The following COLEC10 variants were observed in gnomAD, a reference collection of about 807,000 sequenced individuals.
COLEC10 encodes collectin subfamily member 10.
Under a neutral mutation model 28.4 loss-of-function variants are expected in COLEC10, and 22 were observed. That is an observed-to-expected ratio of 0.78 (90% CI 0.55 to 1.11). The LOEUF is 1.11. Ranked by LOEUF, COLEC10 falls within the 50% of genes least tolerant of loss-of-function variation. The pLI is 0.00. For missense variants in COLEC10, 361 were observed against 344.1 expected (o/e 1.05, Z -0.39); for synonymous variants, 125 against 116.1 (o/e 1.08, Z -0.49).
At chr8:119,104,181 G>A (rs867343057) in intron 5 of COLEC10, among the ~76,000 whole-genome samples, 3 of 151,998 alleles carry the variant, frequency 2.0e-5, no homozygotes, top group Non-Finnish European at 4.4e-5. Context: ...TATGCTGTAA[G>A]AATAAAAAGA....
upstream of COLEC10, chr8:119,067,115 A>G: frequency 1.6e-6 from 1 of 611,180 alleles, no homozygotes; most frequent in Non-Finnish European, 2.8e-6. Flanking sequence ...CATTTGGAGC[A>G]CTGAGAAAAT....
intron 1 of COLEC10, chr8:119,068,130 G>A (rs746963898): frequency 6.6e-6 from 1 of 152,128 alleles, no homozygotes; most frequent in East Asian, 1.9e-4. Context: ...TTCTGAAAGT[G>A]GTCACTGCAC....
chr8:119,025,463 C>T (rs1464975961), intron 2 of COLEC10, among the ~76,000 whole-genome samples: 2 of 152,178 alleles, frequency 1.3e-5, no homozygotes, highest in Non-Finnish European at 2.9e-5. Context: ...GGGCCACCCA[C>T]CCCTGTGGCC....
At chr8:119,076,992 C>G (rs1268814836) in intron 1 of COLEC10, among the ~76,000 whole-genome samples, 1 of 152,172 alleles carries the variant, frequency 6.6e-6, no homozygotes, top group Non-Finnish European at 1.5e-5. Flanking sequence ...GTCTCTGGAA[C>G]CAATTTATCA....
At chr8:119,083,141 G>A (rs747554815) in intron 1 of COLEC10, among the ~76,000 whole-genome samples, 1 of 152,202 alleles carries the variant, frequency 6.6e-6, no homozygotes, top group Non-Finnish European at 1.5e-5. Flanking sequence ...ATAGACCCAT[G>A]TAACAGGAAG....
Position 119,072,261 on chromosome 8 carries a change from TAGCACACATTGAGTAGCTG to T in COLEC10, c.148+4860_148+4878del, listed in dbSNP as rs377334608. 5.4e-3 allele frequency among the ~76,000 whole-genome samples: 825 copies of T among 152,232 alleles called. 6 individuals carry two copies. The highest frequency in any genetic ancestry group is 0.018 in the African/African-American group (734 of 41,498). On this transcript the variant is annotated intron_variant, in intron 1 of 5. Transcript: ENST00000332843. ...AATGGGGTGACAGGAGCAAGATTGC[TAGCACACATTGAGTAGCTG>T]AGCACACATTGAGTAGCTGAGCACA...
At chr8:119,047,924 C>T (rs1247659129) in intron 2 of COLEC10, among the ~76,000 whole-genome samples, 1 of 152,090 alleles carries the variant, frequency 6.6e-6, no homozygotes, top group Non-Finnish European at 1.5e-5. Flanking sequence ...CTTGGGTACT[C>T]AATCATCAAA....
intron 1 of COLEC10, among the ~76,000 whole-genome samples, chr8:119,000,018 A>C (rs1174737733): frequency 6.6e-6 from 1 of 152,202 alleles, no homozygotes; most frequent in Non-Finnish European, 1.5e-5. Flanking sequence ...AAATGATCTC[A>C]TAGAGAGGAA....
chr8:119,061,028 T>C (rs536480723), intron 2 of COLEC10, among the ~76,000 whole-genome samples: 2 of 151,994 alleles, frequency 1.3e-5, no homozygotes, highest in African/African-American at 4.8e-5. Flanking sequence ...AGACAAAAGC[T>C]ATAAAGGAAG....
At chr8:119,075,902 T>C (rs1815219897) in intron 1 of COLEC10, among the ~76,000 whole-genome samples, 1 of 88,078 alleles carries the variant, frequency 1.1e-5, no homozygotes, top group South Asian at 4.4e-4. Flanking sequence ...CTTTTTTTTT[T>C]TTTTTTTTTT....
intron 1 of COLEC10, among the ~76,000 whole-genome samples, chr8:119,004,147 AT>A (rs1813746720): frequency 1.3e-5 from 2 of 152,160 alleles, no homozygotes; most frequent in South Asian, 4.1e-4. Flanking sequence ...AGCTATTATT[AT>A]TTACAGAAAA....
At chr8:119,004,648 A>G (rs1294206249) in intron 1 of COLEC10, among the ~76,000 whole-genome samples, 1 of 151,418 alleles carries the variant, frequency 6.6e-6, no homozygotes, top group Non-Finnish European at 1.5e-5. Flanking sequence ...TATCCAACCC[A>G]TCTTCAAACT....
In COLEC10 at chr8:119,107,492, T is replaced by C. The variant is rs1004257382; in HGVS notation, c.*1301T>C. Among the ~76,000 whole-genome samples the C allele has an allele frequency of 6.6e-6, 1 of 152,206 alleles. No individual in the cohort carries two copies. The highest frequency in any genetic ancestry group is 1.5e-5 in the Non-Finnish European group (1 of 68,026). The stretch of plus-strand genomic sequence containing the variant: ...GTTTCTGACATATGATTAGACTGTT[T>C]CAAATGCTGGCAAAATGGTTAATGA... On this transcript the variant is annotated 3_prime_UTR_variant, in exon 6 of 6. Transcript: ENST00000332843.
At chr8:119,072,169 T>C (rs2450081) in intron 1 of COLEC10, among the ~76,000 whole-genome samples, 109,272 of 152,100 alleles carry the variant, frequency 0.72, 40,452 homozygotes, top group African/African-American at 0.9. Flanking sequence ...ACACATGTGG[T>C]CTGTGATCAA....
chr8:119,035,630 T>A (rs74582064), intron 2 of COLEC10, among the ~76,000 whole-genome samples: 3,391 of 152,322 alleles, frequency 0.022, 66 homozygotes, highest in Non-Finnish European at 0.031. Context: ...TCATTTTGCA[T>A]CCAAAGACCA....
upstream of COLEC10, among the ~76,000 whole-genome samples, chr8:119,066,097 C>T (rs1164621498): frequency 2.0e-5 from 3 of 152,128 alleles, no homozygotes; most frequent in Non-Finnish European, 4.4e-5. Flanking sequence ...TTGATGGTTA[C>T]TTGTAACGAC....
At chr8:119,023,322 C>T (rs1392001556) in intron 2 of COLEC10, among the ~76,000 whole-genome samples, 1 of 152,052 alleles carries the variant, frequency 6.6e-6, no homozygotes, top group Non-Finnish European at 1.5e-5. Context: ...CTATTTGTTT[C>T]ATGTATGTAT....
intron 3 of COLEC10, among the ~76,000 whole-genome samples, chr8:119,096,429 T>TTCTCAGA: frequency 6.6e-6 from 1 of 151,944 alleles, no homozygotes. Flanking sequence ...CCATCTCTAC[T>TTCTCAGA]AAAAATGCAA....
At chr8:119,044,363 T>C (rs1344886310) in intron 2 of COLEC10, among the ~76,000 whole-genome samples, 1 of 152,196 alleles carries the variant, frequency 6.6e-6, no homozygotes. Flanking sequence ...CACTATGTAC[T>C]TGAAAATGAG....
Sources: allele counts gnomAD v4.1 joint callset (sites outside exome capture counted in the v4.1 genomes callset), GRCh38; gene constraint gnomAD v4.1.1; transcripts MANE v1.5; gene names NCBI Gene and HGNC (gene_info 2026-07-23, HGNC 2026-07-21).